The following NSUN3 variants were observed in gnomAD, a reference collection of about 807,000 sequenced individuals.
NSUN3 encodes NOP2/Sun RNA methyltransferase 3.
In NSUN3, 24 loss-of-function variants were observed where a neutral mutation model predicts 36.8. The observed-to-expected ratio is 0.65, with a 90% CI of 0.47 to 0.92. The LOEUF (loss-of-function observed/expected upper bound fraction) is 0.92, where lower values mean the gene tolerates loss of function less well. NSUN3 is among the 40% of genes least tolerant of loss of function. NSUN3 has a pLI of 0.00. For missense variants in NSUN3, 381 were observed against 392.8 expected (o/e 0.97, Z 0.25); for synonymous variants, 146 against 145.2 (o/e 1.01, Z -0.04).
At chr3:94,095,804 T>G (rs1389059930) in intron 5 of NSUN3, among the ~76,000 whole-genome samples, 1 of 152,116 alleles carries the variant, frequency 6.6e-6, no homozygotes, top group African/African-American at 2.4e-5. Flanking sequence ...TGGAGTGCAG[T>G]GGTGCAATCT....
chr3:94,128,702 A>G lies in NSUN3; in HGVS notation c.*2212A>G, dbSNP rs2077498198. Reference sequence around the variant, plus strand: ...CAGCAAACTAAACTATCAACAGAGTAGCAGACAACTTACAGGATGGGAGAA... The same window carrying G: ...CAGCAAACTAAACTATCAACAGAGTGGCAGACAACTTACAGGATGGGAGAA... On this transcript the variant is annotated 3_prime_UTR_variant, in exon 6 of 6. Coordinates refer to ENST00000314622, the MANE Select transcript of NSUN3 (RefSeq NM_022072.5). Among the ~76,000 whole-genome samples, 1 of 152,050 alleles carries G rather than the reference A, an allele frequency of 6.6e-6. No individual in the cohort carries two copies. The highest frequency in any genetic ancestry group is 2.4e-5 in the African/African-American group (1 of 41,422).
At chr3:94,092,659 G>T (rs577056626) in intron 3 of NSUN3, among the ~76,000 whole-genome samples, 1 of 151,944 alleles carries the variant, frequency 6.6e-6, no homozygotes, top group Non-Finnish European at 1.5e-5. Context: ...ATCCCAGCAC[G>T]ATGGGAGACC....
Position 94,094,226 on chromosome 3 carries a change from A to C in NSUN3, c.553A>C (p.Asn185His). Residue 185 changes from asparagine (N) to histidine (H), a missense_variant, in exon 4 of 6, where the codon AAT (asparagine) becomes CAT (histidine). Transcript: ENST00000314622. ...ATCTTTCATCCCACAGCCTTTGATA[A>C]ATGTAATTAAAGTGTCTGAATTGGA... ...LESFIPQPLI[N>H]VIKVSELDGR... The C allele has an allele frequency of 1.2e-6, 2 of 1,613,818 alleles. No individual in the cohort carries two copies. Among genetic ancestry groups the C allele is most frequent in the Non-Finnish European group, 1.7e-6 (2 of 1,179,818 alleles).
intron 2 of NSUN3, chr3:94,076,638 CT>C: frequency 6.9e-6 from 7 of 1,017,108 alleles, no homozygotes; most frequent in Non-Finnish European, 1.1e-5. Context: ...AGCCCATAGC[CT>C]TTTTTCTGAT....
chr3:94,124,996 G>C (rs76235213), intron 5 of NSUN3, among the ~76,000 whole-genome samples: 2,095 of 152,212 alleles, frequency 0.014, 47 homozygotes, highest in African/African-American at 0.047. Flanking sequence ...TGTTACTGTT[G>C]TACTTTTTGT....
At chr3:94,083,657 C>CA (rs1461154516) in intron 2 of NSUN3, among the ~76,000 whole-genome samples, 1 of 152,170 alleles carries the variant, frequency 6.6e-6, no homozygotes, top group African/African-American at 2.4e-5. Context: ...GAGGTACTTT[C>CA]AATTTCCCAT....
At chr3:94,075,032 C>T (rs1021652948) in intron 2 of NSUN3, among the ~76,000 whole-genome samples, 1 of 151,980 alleles carries the variant, frequency 6.6e-6, no homozygotes, top group Non-Finnish European at 1.5e-5. Flanking sequence ...TGAAATTTGT[C>T]AAGGTCTTTT....
At chr3:94,102,219 A>AG (rs1215372308) in intron 5 of NSUN3, among the ~76,000 whole-genome samples, 17 of 151,276 alleles carry the variant, frequency 1.1e-4, no homozygotes, top group African/African-American at 3.9e-4. Context: ...AAAAAAAAAA[A>AG]AAAAAACACT....
chr3:94,066,216 C>A (rs1227781262), intron 2 of NSUN3, among the ~76,000 whole-genome samples: 1 of 152,018 alleles, frequency 6.6e-6, no homozygotes, highest in African/African-American at 2.4e-5. Context: ...ACCTCAAATC[C>A]ATTTAATTAG....
chr3:94,082,586 C>G (rs188489653), intron 2 of NSUN3, among the ~76,000 whole-genome samples: 2 of 152,294 alleles, frequency 1.3e-5, no homozygotes, highest in East Asian at 3.9e-4. Context: ...TTCAATCCAC[C>G]CATTCCTCAC....
intron 2 of NSUN3, chr3:94,077,065 G>A (rs1054420381): frequency 4.7e-5 from 37 of 791,802 alleles, no homozygotes; most frequent in Admixed American, 1.0e-4. Flanking sequence ...CAGAGCCTGC[G>A]TCATCACCAA....
intron 5 of NSUN3, among the ~76,000 whole-genome samples, chr3:94,120,116 ATACT>A (rs2077455353): frequency 6.6e-6 from 1 of 152,242 alleles, no homozygotes; most frequent in East Asian, 1.9e-4. Flanking sequence ...AAAAAGAATC[ATACT>A]TACTTGATTA....
In NSUN3 at chr3:94,129,294, C is replaced by G. The variant is rs974437311; in HGVS notation, c.*2804C>G. On this transcript the variant is annotated 3_prime_UTR_variant, in exon 6 of 6. Coordinates refer to ENST00000314622, the MANE Select transcript of NSUN3 (RefSeq NM_022072.5). ...TTGATTGAATAAAGGAAATGTGGTA[C>G]ATATACCTCGTGTAATATTACACAG... Among the ~76,000 whole-genome samples, 34 of 152,308 alleles carry G rather than the reference C, an allele frequency of 2.2e-4. No individual in the cohort carries two copies. The highest frequency in any genetic ancestry group is 2.2e-3 in the Admixed American group (33 of 15,292).
At chr3:94,099,748 AATG>A (rs1336572514) in intron 5 of NSUN3, among the ~76,000 whole-genome samples, 28 of 152,164 alleles carry the variant, frequency 1.8e-4, no homozygotes, top group African/African-American at 6.3e-4. Context: ...GGGGAAAAAA[AATG>A]ATGATACCAG....
chr3:94,089,863 T>C (rs1387330566), intron 3 of NSUN3, among the ~76,000 whole-genome samples: 1 of 152,172 alleles, frequency 6.6e-6, no homozygotes, highest in Non-Finnish European at 1.5e-5. Context: ...CTTATGCCCC[T>C]CAGTCTAATT....
In NSUN3 at chr3:94,094,139, G is replaced by T. The variant is rs1257324053; in HGVS notation, c.467-1G>T. On this transcript the variant is annotated splice_acceptor_variant, in intron 3 of 5. Coordinates refer to ENST00000314622, the MANE Select transcript of NSUN3 (RefSeq NM_022072.5). LOFTEE classifies it high-confidence loss of function. The stretch of plus-strand genomic sequence containing the variant: ...GAAACTTTTTAATCCTTTTTATTTA[G>T]GTTATCTTCATTGTAATGAATATGA... The T allele has an allele frequency of 1.3e-6, 2 of 1,586,314 alleles. No homozygotes were observed. The highest frequency in any genetic ancestry group is 1.7e-6 in the Non-Finnish European group (2 of 1,169,502).
At chr3:94,077,275 TC>T (rs1156379615) in intron 2 of NSUN3, 1 of 548,858 alleles carries the variant, frequency 1.8e-6, no homozygotes, top group Non-Finnish European at 3.3e-6. Context: ...CAGTCTTGCA[TC>T]CCAGGTATGA....
At chr3:94,084,033 C>T in intron 2 of NSUN3, 74 bp from the exon 3 acceptor site, 3 of 1,089,592 alleles carry the variant, frequency 2.8e-6, no homozygotes, top group Non-Finnish European at 4.0e-6. Context: ...CCACATTCAC[C>T]TGATTCGTAA....
chr3:94,095,743 G>T (rs150875614), intron 5 of NSUN3, among the ~76,000 whole-genome samples: 10 of 151,796 alleles, frequency 6.6e-5, no homozygotes, highest in Middle Eastern at 6.8e-3. Context: ...AAATTTTTTT[G>T]TTTGTTTGTT....
Sources: gnomAD v4.1 joint callset for allele counts (sites outside exome capture counted in the v4.1 genomes callset) on GRCh38, gnomAD v4.1.1 for gene constraint, MANE v1.5 for transcripts, NCBI Gene and HGNC (gene_info 2026-07-23, HGNC 2026-07-21) for gene names.